Variants in ZFP1 observed in about 807,000 individuals in gnomAD.
ZFP1 encodes the protein zinc finger protein 1 homolog.
In ZFP1, 32 loss-of-function variants were observed where a neutral mutation model predicts 38.5. That is an observed-to-expected ratio of 0.83 (90% CI 0.63 to 1.12). ZFP1 has a LOEUF of 1.12. Among genes scored for constraint, ZFP1 ranks in the 50% most tolerant of loss-of-function variants. The pLI is 0.00. For missense variants in ZFP1, 616 were observed against 480.8 expected (o/e 1.28, Z -2.63); for synonymous variants, 245 against 168.8 (o/e 1.45, Z -3.50).
chr16:75,145,956 A>G (rs1209368696), upstream of ZFP1, among the ~76,000 whole-genome samples: 1 of 152,092 alleles, frequency 6.6e-6, no homozygotes, highest in Non-Finnish European at 1.5e-5. Flanking sequence ...CATTAATTGT[A>G]ACACACCCCT....
rs549459005 is a variant in ZFP1, at chr16:75,151,353, T to C, written c.-43-1556T>C. Among the ~76,000 whole-genome samples the C allele has an allele frequency of 7.2e-5, 11 of 152,336 alleles. No individual in the cohort carries two copies. In the East Asian group the frequency reaches 1.5e-3, roughly 21 times the overall value. On this transcript the variant is annotated intron_variant, in intron 1 of 3. Transcript: ENST00000570010. ...GGTGTGTTTATGCCAATTATTGATA[T>C]AGTTGTGTTAAAGTCTACCATCTTG...
At chr16:75,134,215 TACAC>T in the ZFP1 span, among the ~76,000 whole-genome samples, 1 of 152,238 alleles carries the variant, frequency 6.6e-6, no homozygotes, top group Non-Finnish European at 1.5e-5. Flanking sequence ...ACTACTGACT[TACAC>T]ACTTTAAAAT....
chr16:75,157,393 G>A (rs937241952), intron 2 of ZFP1, among the ~76,000 whole-genome samples: 1 of 151,804 alleles, frequency 6.6e-6, no homozygotes, highest in African/African-American at 2.4e-5. Flanking sequence ...ACAGGTGTGT[G>A]CCACTACACA....
chr16:75,154,744 A>G (rs1005652711), intron 2 of ZFP1, among the ~76,000 whole-genome samples: 6 of 152,118 alleles, frequency 3.9e-5, no homozygotes, highest in South Asian at 4.1e-4. Flanking sequence ...CATCCTCACC[A>G]GCATTTTGTG....
chr16:75,169,436 A>C lies in ZFP1; in HGVS notation c.326A>C (p.Tyr109Ser), dbSNP rs1171701199. The C allele has an allele frequency of 6.2e-7, 1 of 1,612,884 alleles. No individual in the cohort carries two copies. Among genetic ancestry groups the C allele is most frequent in the Non-Finnish European group, 8.5e-7 (1 of 1,179,710 alleles). Residue 109 changes from tyrosine (Y) to serine (S), a missense_variant, in exon 4 of 4, where the codon TAT (tyrosine) becomes TCT (serine). Coordinates refer to ENST00000570010, the MANE Select transcript of ZFP1 (RefSeq NM_153688.4). ...LRQVPYKYDL[Y>S]EKTLKYNSDL... ...CAAGTACCTTATAAATATGACTTAT[A>C]TGAAAAAACTTTGAAATATAATTCA...
At position 75,170,444 on chromosome 16, in the gene ZFP1, T is replaced by TCTCAA; in HGVS notation, c.*116_*120dup. 7.2e-7 allele frequency: 1 copy of TCTCAA among 1,385,436 alleles called. No homozygotes were observed. The highest frequency in any genetic ancestry group is 2.4e-5 in the East Asian group (1 of 40,914). The allele number at this position is 1,385,436 out of a possible 1,614,324, so 85.8% of individuals were successfully genotyped here. On this transcript the variant is annotated 3_prime_UTR_variant, in exon 4 of 4. Transcript: ENST00000570010. ...TGGGAATTCATACTGAGATGCAATCTCTCAACTCAAAAATGTATTAAAAAT... is the reference window on the plus strand; with the variant it reads ...TGGGAATTCATACTGAGATGCAATCTCTCAACTCAACTCAAAAATGTATTAAAAAT...
Position 75,169,504 on chromosome 16 carries a change from G to A in ZFP1, c.394G>A (p.Asp132Asn). Reference sequence around the variant, plus strand: ...TAGAAGCTATGCAGGAAAGCAGACTGATGAGTGTAATGAATTTGGAAAAGC... The same window carrying A: ...TAGAAGCTATGCAGGAAAGCAGACTAATGAGTGTAATGAATTTGGAAAAGC... ...SNRSYAGKQT[D>N]ECNEFGKALL... Residue 132 changes from aspartate to asparagine, a missense_variant, in exon 4 of 4, where the codon GAT becomes AAT. Physicochemically the swap from Asp to Asn is conservative, Grantham distance 23 (BLOSUM62 1). Coordinates refer to ENST00000570010, the MANE Select transcript of ZFP1 (RefSeq NM_153688.4). 1 of 1,613,294 alleles carries A rather than the reference G, an allele frequency of 6.2e-7. No homozygotes were observed. Among genetic ancestry groups the A allele is most frequent in the South Asian group, 1.1e-5 (1 of 90,874 alleles).
chr16:75,163,000 C>G (rs1448349362), intron 2 of ZFP1, among the ~76,000 whole-genome samples: 2 of 150,712 alleles, frequency 1.3e-5, no homozygotes, highest in Admixed American at 1.3e-4. Flanking sequence ...AGCTCCGCCT[C>G]CTGGGTTCAA....
chr16:75,120,144 G>GGT, the ZFP1 span, among the ~76,000 whole-genome samples: 25 of 151,736 alleles, frequency 1.6e-4, no homozygotes, highest in Non-Finnish European at 2.5e-4. Context: ...GTGTATGTGT[G>GGT]GTGTGTGTGT....
intron 2 of ZFP1, among the ~76,000 whole-genome samples, chr16:75,161,742 A>T (rs1180291912): frequency 9.3e-6 from 1 of 107,724 alleles, no homozygotes; most frequent in African/African-American, 3.6e-5. Context: ...CAAATAAAGC[A>T]TAGTAGTTTT....
chr16:75,143,181 T>C, the ZFP1 span, among the ~76,000 whole-genome samples: 1 of 152,030 alleles, frequency 6.6e-6, no homozygotes, highest in East Asian at 1.9e-4. Flanking sequence ...AGAGGGGAAA[T>C]GTATATATGA....
In ZFP1 at chr16:75,168,751, AAG is replaced by A. The variant is rs916623107; in HGVS notation, c.143-501_143-500del. On this transcript the variant is annotated intron_variant, in intron 3 of 3. Coordinates refer to ENST00000570010, the MANE Select transcript of ZFP1 (RefSeq NM_153688.4). ...TTGGTAAAGATGAACAGTAGAAAAA[AAG>A]GAGAAAAAGCTTAGAACTATGCAGA... 5.3e-5 allele frequency among the ~76,000 whole-genome samples: 8 copies of A among 152,308 alleles called. 1 individual carries two copies. Among genetic ancestry groups the A allele is most frequent in the East Asian group, 1.9e-4 (1 of 5,184 alleles).
chr16:75,166,515 C>T, intron 2 of ZFP1: 1 of 984,586 alleles, frequency 1.0e-6, no homozygotes. Flanking sequence ...AGGTGTGAGC[C>T]ACTATGCCTG....
chr16:75,120,907 A>C, the ZFP1 span, among the ~76,000 whole-genome samples: 1 of 151,818 alleles, frequency 6.6e-6, no homozygotes, highest in African/African-American at 2.4e-5. Flanking sequence ...TTACAGGCAT[A>C]AGCCACTGCA....
chr16:75,170,594 G>T lies in ZFP1; in HGVS notation c.*260G>T. 1 of 381,808 alleles carries T rather than the reference G, an allele frequency of 2.6e-6. No homozygotes were observed. The highest frequency in any genetic ancestry group is 4.5e-6 in the Non-Finnish European group (1 of 220,416). 23.7% of individuals were successfully genotyped at this position (381,808 alleles called of 1,614,324 possible). On this transcript the variant is annotated 3_prime_UTR_variant, in exon 4 of 4. Transcript: ENST00000570010. ...ACTACAATGAGCTTTTTAAAATCTT[G>T]AATGAATTGAGTATTCTAGACAGCA...
At chr16:75,124,554 C>G in the ZFP1 span, among the ~76,000 whole-genome samples, 1 of 149,558 alleles carries the variant, frequency 6.7e-6, no homozygotes, top group Non-Finnish European at 1.5e-5. Flanking sequence ...GAGGCTGAGG[C>G]GGGTGGATCA....
intron 1 of ZFP1, among the ~76,000 whole-genome samples, chr16:75,152,521 T>G (rs1390797074): frequency 6.6e-6 from 1 of 152,232 alleles, no homozygotes; most frequent in Non-Finnish European, 1.5e-5. Flanking sequence ...TTCCATTTGA[T>G]TTTTTCTTGC....
the ZFP1 span, among the ~76,000 whole-genome samples, chr16:75,139,107 C>T: frequency 6.6e-6 from 1 of 152,088 alleles, no homozygotes; most frequent in East Asian, 1.9e-4. Context: ...CGGCAGCTCA[C>T]GCCTGTAATC....
intron 2 of ZFP1, among the ~76,000 whole-genome samples, chr16:75,165,750 G>C (rs2038041917): frequency 6.6e-6 from 1 of 151,928 alleles, no homozygotes; most frequent in Non-Finnish European, 1.5e-5. Context: ...ATTGTACTTG[G>C]GGTTGCTGGT....
Sources: allele counts gnomAD v4.1 joint callset (sites outside exome capture counted in the v4.1 genomes callset), GRCh38; gene constraint gnomAD v4.1.1; transcripts MANE v1.5; gene names NCBI Gene and HGNC (gene_info 2026-07-23, HGNC 2026-07-21).